RPTOR: variants seen among roughly 807,000 people sequenced by gnomAD.
RPTOR encodes regulatory associated protein of MTOR complex 1.
Under a neutral mutation model 169.9 loss-of-function variants are expected in RPTOR, and 21 were observed. That is an observed-to-expected ratio of 0.12 (90% CI 0.09 to 0.18). RPTOR has a LOEUF of 0.18. Ranked by LOEUF, RPTOR falls within the 10% of genes least tolerant of loss-of-function variation. The probability of loss-of-function intolerance (pLI) is 1.00; values close to 1 mark genes in which losing one functional copy is unlikely to be tolerated. For synonymous variants in RPTOR, 732 were observed against 753.2 expected (o/e 0.97, Z 0.46); for missense variants, 1,133 against 1,855.9 (o/e 0.61, Z 7.16).
chr17:80,911,171 T>C (rs974217804), intron 21 of RPTOR, among the ~76,000 whole-genome samples: 2 of 152,186 alleles, frequency 1.3e-5, no homozygotes, highest in East Asian at 1.9e-4. Flanking sequence ...AAGTAGCCTA[T>C]TGGCCAACTT....
chr17:80,780,158 G>A (rs2066926515), intron 6 of RPTOR, among the ~76,000 whole-genome samples: 1 of 152,220 alleles, frequency 6.6e-6, no homozygotes, highest in South Asian at 2.1e-4. Context: ...AAAGCAGCTG[G>A]ATCAAAAGTC....
chr17:80,595,636 T>G (rs895677603), intron 1 of RPTOR, among the ~76,000 whole-genome samples: 1 of 152,168 alleles, frequency 6.6e-6, no homozygotes, highest in African/African-American at 2.4e-5. Flanking sequence ...TTTAAAATAT[T>G]TGTAGAGACC....
intron 3 of RPTOR, among the ~76,000 whole-genome samples, chr17:80,694,948 A>C (rs2066023999): frequency 6.6e-6 from 1 of 152,094 alleles, no homozygotes; most frequent in Non-Finnish European, 1.5e-5. Context: ...AGCTATATCC[A>C]AGGAGGGTGA....
intron 6 of RPTOR, among the ~76,000 whole-genome samples, chr17:80,783,551 C>T (rs959317546): frequency 3.3e-5 from 5 of 152,234 alleles, no homozygotes; most frequent in Non-Finnish European, 7.3e-5. Context: ...ACCCAAATGG[C>T]AGAGCCCTTG....
At chr17:80,717,260 A>C (rs2066247115) in intron 4 of RPTOR, among the ~76,000 whole-genome samples, 1 of 152,004 alleles carries the variant, frequency 6.6e-6, no homozygotes, top group African/African-American at 2.4e-5. Flanking sequence ...TCCCAGTCTT[A>C]TGTATATTGT....
At chr17:80,811,282 T>G (rs2067269509) in intron 7 of RPTOR, among the ~76,000 whole-genome samples, 1 of 151,964 alleles carries the variant, frequency 6.6e-6, no homozygotes, top group African/African-American at 2.4e-5. Context: ...TTTCTGAGAG[T>G]TTTTCTCGTG....
intron 21 of RPTOR, among the ~76,000 whole-genome samples, chr17:80,914,922 GA>G (rs1363558481): frequency 2.0e-5 from 3 of 152,234 alleles, no homozygotes; most frequent in Non-Finnish European, 4.4e-5. Flanking sequence ...ACCAGAATGG[GA>G]ACTTTTAGTG....
intron 1 of RPTOR, chr17:80,602,568 ACTGT>A (rs1237277207): frequency 1.2e-5 from 7 of 595,016 alleles, no homozygotes; most frequent in Admixed American, 3.9e-5. Flanking sequence ...ATCCACATTG[ACTGT>A]CTGTAGATTT....
At chr17:80,956,315 T>A (rs760198559) in intron 28 of RPTOR, among the ~76,000 whole-genome samples, 1 of 152,190 alleles carries the variant, frequency 6.6e-6, no homozygotes, top group African/African-American at 2.4e-5. Flanking sequence ...CCTTTCTGTA[T>A]CTTAAAATGG....
At chr17:80,821,742 G>A (rs971660503) in intron 7 of RPTOR, among the ~76,000 whole-genome samples, 7 of 152,210 alleles carry the variant, frequency 4.6e-5, no homozygotes, top group African/African-American at 7.2e-5. Flanking sequence ...TATCAGCTGC[G>A]TGTTGAATAC....
chr17:80,840,410 T>G (rs1437562239), intron 10 of RPTOR, among the ~76,000 whole-genome samples: 6 of 127,132 alleles, frequency 4.7e-5, no homozygotes, highest in Middle Eastern at 0.011. Context: ...CAGCTCACAT[T>G]CACCGCATGG....
At chr17:80,629,105 T>A (rs1167356532) in intron 2 of RPTOR, among the ~76,000 whole-genome samples, 2 of 148,758 alleles carry the variant, frequency 1.3e-5, no homozygotes, top group African/African-American at 5.0e-5. Flanking sequence ...CTCTATCTTC[T>A]GGGACTCAGC....
intron 4 of RPTOR, among the ~76,000 whole-genome samples, chr17:80,709,556 C>A (rs1476336796): frequency 6.6e-6 from 1 of 152,266 alleles, no homozygotes; most frequent in African/African-American, 2.4e-5. Context: ...GCAGCCCTGC[C>A]TCTTCCCACA....
intron 3 of RPTOR, among the ~76,000 whole-genome samples, chr17:80,705,078 C>T (rs1289464088): frequency 6.6e-6 from 1 of 152,252 alleles, no homozygotes; most frequent in Non-Finnish European, 1.5e-5. Flanking sequence ...TGTCACGCTC[C>T]GTGCTTCTCT....
intron 3 of RPTOR, among the ~76,000 whole-genome samples, chr17:80,656,519 T>G (rs1231459384): frequency 6.6e-6 from 1 of 152,240 alleles, no homozygotes; most frequent in Non-Finnish European, 1.5e-5. Context: ...GACTTTCACC[T>G]TTTTACACAA....
intron 3 of RPTOR, among the ~76,000 whole-genome samples, chr17:80,675,676 T>C (rs1213819097): frequency 6.6e-6 from 1 of 152,042 alleles, no homozygotes; most frequent in Non-Finnish European, 1.5e-5. Context: ...GCTGCTCTGC[T>C]CACCGGGCTC....
chr17:80,878,298 T>C lies in RPTOR; in HGVS notation c.1510-2117T>C, dbSNP rs1050717064. Among the ~76,000 whole-genome samples, 2 of 152,132 alleles carry C rather than the reference T, an allele frequency of 1.3e-5. No individual in the cohort carries two copies. The highest frequency in any genetic ancestry group is 2.4e-5 in the African/African-American group (1 of 41,414). The stretch of plus-strand genomic sequence containing the variant: ...ATGATTTGTACATCGCACTGCAGTT[T>C]CAGACTGCTTTCACATGCGTGGTTT... On this transcript the variant is annotated intron_variant, in intron 13 of 33. Coordinates refer to ENST00000306801, the MANE Select transcript of RPTOR (RefSeq NM_020761.3). This position sits in a 1 kb window ranked among gnomAD's most constrained non-coding sequence, Gnocchi z 4.1.
intron 25 of RPTOR, among the ~76,000 whole-genome samples, chr17:80,942,789 C>T (rs1285175755): frequency 6.6e-6 from 1 of 152,258 alleles, no homozygotes; most frequent in Non-Finnish European, 1.5e-5. Context: ...CCCGGCTCTT[C>T]AGCCTTCTCC....
intron 21 of RPTOR, among the ~76,000 whole-genome samples, chr17:80,913,489 A>G (rs1036447776): frequency 5.9e-5 from 9 of 151,914 alleles, no homozygotes; most frequent in South Asian, 2.1e-4. Context: ...GTCTCACTCT[A>G]TCACCCAGGC....
Sources: allele counts gnomAD v4.1 joint callset (sites outside exome capture counted in the v4.1 genomes callset), GRCh38; gene constraint gnomAD v4.1.1; non-coding constraint Gnocchi (gnomAD v3.1); transcripts MANE v1.5; gene names NCBI Gene and HGNC (gene_info 2026-07-23, HGNC 2026-07-21).